Variants in ANK3 observed in about 807,000 individuals in gnomAD.
ANK3 encodes ankyrin-3.
ANK3 carries 57 observed loss-of-function variants against 370.9 expected under a neutral mutation model. The observed-to-expected ratio is 0.15, with a 90% CI of 0.12 to 0.19. The LOEUF (loss-of-function observed/expected upper bound fraction) is 0.19. Ranked by LOEUF, ANK3 falls within the 10% of genes least tolerant of loss-of-function variation. The probability of loss-of-function intolerance (pLI) is 1.00; values close to 1 mark genes in which losing one functional copy is unlikely to be tolerated. For missense variants in ANK3, 4,439 were observed against 5,302.1 expected, an observed-to-expected ratio of 0.84 and a Z score of 5.06; for synonymous variants, 1,929 against 1,946.3, an observed-to-expected ratio of 0.99 and a Z score of 0.23.
At chr10:60,633,803 T>C (rs1447557288) in intron 1 of ANK3, among the ~76,000 whole-genome samples, 6 of 152,310 alleles carry the variant, frequency 3.9e-5, no homozygotes, top group Middle Eastern at 3.4e-3. Context: ...ACCTGAAGCA[T>C]CCATATTGGG....
chr10:60,351,879 C>T (rs894288203), intron 1 of ANK3, among the ~76,000 whole-genome samples: 2 of 151,830 alleles, frequency 1.3e-5, no homozygotes, highest in Non-Finnish European at 2.9e-5. Flanking sequence ...AAAACAAGTA[C>T]CTCAGATAAC....
At position 60,073,596 on chromosome 10, in the gene ANK3, G is replaced by C; in HGVS notation, c.7285C>G (p.Leu2429Val). 4.3e-6 allele frequency: 7 copies of C among 1,614,058 alleles called. No homozygotes were observed. The highest frequency in any genetic ancestry group is 5.9e-6 in the Non-Finnish European group (7 of 1,180,012). Residue 2429 changes from leucine (L) to valine (V), a missense_variant, in exon 37 of 44, where the codon CTC becomes GTC. Leu to Val is a conservative substitution (Grantham distance 32, BLOSUM62 1). Transcript: ENST00000280772. ...GTTTTATAAGAGTCATCAGATATGAGTTGAGCAGAACTAGGGCGGCTATCT... is the reference window on the plus strand; with the variant it reads ...GTTTTATAAGAGTCATCAGATATGACTTGAGCAGAACTAGGGCGGCTATCT... ...EEDSRPSSAQ[L>V]ISDDSYKTLK...
chr10:60,656,651 G>A (rs1359987061), intron 1 of ANK3, among the ~76,000 whole-genome samples: 2 of 152,022 alleles, frequency 1.3e-5, no homozygotes, highest in Non-Finnish European at 2.9e-5. Flanking sequence ...ACATTTTAAA[G>A]CTATAAATTT....
intron 10 of ANK3, among the ~76,000 whole-genome samples, chr10:60,206,717 A>C (rs2096769107): frequency 6.6e-6 from 1 of 152,200 alleles, no homozygotes; most frequent in South Asian, 2.1e-4. Flanking sequence ...TATTTGAATC[A>C]TTTTGTTTAC....
intron 40 of ANK3, among the ~76,000 whole-genome samples, chr10:60,061,739 C>CT (rs35700139): frequency 5.5e-4 from 80 of 145,762 alleles, no homozygotes; most frequent in Middle Eastern, 7.0e-3. Context: ...TTGACTTAAA[C>CT]TTTTTTTTTT....
chr10:60,668,320 A>C (rs2079024371), intron 1 of ANK3, among the ~76,000 whole-genome samples: 1 of 151,506 alleles, frequency 6.6e-6, no homozygotes, highest in Non-Finnish European at 1.5e-5. Flanking sequence ...GGTGCCCCTG[A>C]AACATAAGAA....
chr10:60,301,122 C>CTATA (rs2043609425), intron 1 of ANK3, among the ~76,000 whole-genome samples: 1 of 122,492 alleles, frequency 8.2e-6, no homozygotes, highest in African/African-American at 3.6e-5. Flanking sequence ...TGAATACTTC[C>CTATA]GATATATATA....
chr10:60,389,888 A>AG (rs2062952009), upstream of ANK3: 3 of 982,422 alleles, frequency 3.1e-6, no homozygotes, highest in Non-Finnish European at 3.6e-6. Context: ...ATTCCTCGGA[A>AG]GGGGGAATGC....
intron 1 of ANK3, among the ~76,000 whole-genome samples, chr10:60,318,795 C>G (rs1369322722): frequency 2.0e-5 from 3 of 152,268 alleles, no homozygotes; most frequent in East Asian, 3.9e-4. Context: ...TGACACAAAA[C>G]ATCATCTCTT....
At chr10:60,466,641 T>C (rs1308281107) in intron 2 of ANK3, among the ~76,000 whole-genome samples, 3 of 152,166 alleles carry the variant, frequency 2.0e-5, no homozygotes, top group African/African-American at 7.2e-5. Context: ...TAATTATTCA[T>C]GGCGGGCAAA....
chr10:60,185,547 T>C (rs2096302151), intron 17 of ANK3, among the ~76,000 whole-genome samples: 1 of 152,174 alleles, frequency 6.6e-6, no homozygotes. Flanking sequence ...GTGTTGAAAG[T>C]ATTTAAATTA....
intron 2 of ANK3, among the ~76,000 whole-genome samples, chr10:60,401,425 C>T (rs2063350340): frequency 6.6e-6 from 1 of 152,008 alleles, no homozygotes; most frequent in Non-Finnish European, 1.5e-5. Context: ...TTAAAACTGC[C>T]ACTCAAAAAG....
Position 60,088,235 on chromosome 10 carries a change from C to T in ANK3, c.3452G>A (p.Gly1151Asp), listed in dbSNP as rs2087198825. Residue 1151 changes from glycine (G) to aspartate (D), a missense_variant, in exon 29 of 44, where the codon GGT becomes GAT. Physicochemically the swap from Gly to Asp is moderately conservative, Grantham distance 94 (BLOSUM62 -1). Around this residue, in one of 13 missense-constraint regions of ANK3, gnomAD observed 702 missense variants for 941.5 expected, o/e 0.75. Transcript: ENST00000280772. The stretch of plus-strand genomic sequence containing the variant: ...CACTGTGGTGCTGCTCAGAATTCCA[C>T]CTTCAGGACCAATCTGGTTGCTTTC... ...KQESNQIGPE[G>D]GILSSTTVPL... The T allele has an allele frequency of 1.2e-6, 2 of 1,614,164 alleles. No homozygotes were observed. The highest frequency in any genetic ancestry group is 1.7e-6 in the Non-Finnish European group (2 of 1,180,020).
At chr10:60,676,231 A>G (rs2079123841) in intron 1 of ANK3, among the ~76,000 whole-genome samples, 1 of 152,222 alleles carries the variant, frequency 6.6e-6, no homozygotes, top group South Asian at 2.1e-4. Context: ...AACTAACAGT[A>G]GATAATTCTT....
chr10:60,479,417 C>T (rs967179791), intron 2 of ANK3, among the ~76,000 whole-genome samples: 3 of 151,972 alleles, frequency 2.0e-5, no homozygotes, highest in African/African-American at 7.2e-5. Context: ...GTAGGCTATA[C>T]CATCTGGGTG....
At chr10:60,100,382 C>T (rs2091033125) in intron 28 of ANK3, among the ~76,000 whole-genome samples, 1 of 151,928 alleles carries the variant, frequency 6.6e-6, no homozygotes, top group African/African-American at 2.4e-5. Flanking sequence ...ACACATTTCA[C>T]ATCAGTGCTC....
At position 60,186,901 on chromosome 10, in the gene ANK3, C is replaced by T. The variant is rs143441176; in HGVS notation, c.1899G>A (p.Thr633=). Residue 633 remains threonine (T), a synonymous_variant, in exon 17 of 44, where the codon ACG becomes ACA. Transcript: ENST00000280772. ...SPHAAAKNGY[T]PLHIAAKKNQ... ...TCTTTTTGGCAGCGATGTGCAGTGG[C>T]GTATAACCATTCTGTCAACACAAAT... The T allele has an allele frequency of 9.9e-6, 16 of 1,613,900 alleles. No homozygotes were observed. Among genetic ancestry groups the T allele is most frequent in the Middle Eastern group, 3.3e-4 (2 of 6,082 alleles).
chr10:60,373,791 C>A (rs982995236), intron 1 of ANK3, among the ~76,000 whole-genome samples: 4 of 152,104 alleles, frequency 2.6e-5, no homozygotes, highest in Non-Finnish European at 5.9e-5. Context: ...GGGATATAGC[C>A]GTCCTTGTTC....
intron 1 of ANK3, among the ~76,000 whole-genome samples, chr10:60,715,215 A>ATGTGTGTGTGTGTGTGTGTGTG (rs5785463): frequency 2.7e-5 from 4 of 147,192 alleles, no homozygotes; most frequent in African/African-American, 5.0e-5. Context: ...ACATATACAA[A>ATGTGTGTGTGTGTGTGTGTGTG]TGTGTGTGTG....
Sources: allele counts gnomAD v4.1 joint callset (sites outside exome capture counted in the v4.1 genomes callset), GRCh38; gene constraint gnomAD v4.1.1; regional missense constraint gnomAD v4.1.1; transcripts MANE v1.5; gene names NCBI Gene and HGNC (gene_info 2026-07-23, HGNC 2026-07-21).